CACNA2D3: variants seen among roughly 807,000 people sequenced by gnomAD.
The protein encoded by CACNA2D3 is calcium voltage-gated channel auxiliary subunit alpha2delta 3, also known as voltage-dependent calcium channel subunit alpha-2/delta-3.
CACNA2D3 carries 60 observed loss-of-function variants against 160.6 expected under a neutral mutation model. The observed-to-expected ratio is 0.37, with a 90% confidence interval of 0.30 to 0.46. The LOEUF (loss-of-function observed/expected upper bound fraction) is 0.46, where lower values mean the gene tolerates loss of function less well. Among genes scored for constraint, CACNA2D3 ranks in the 20% least tolerant of loss-of-function variants. CACNA2D3 has a pLI of 1.00. For missense variants in CACNA2D3, 1,205 were observed against 1,365.0 expected (o/e 0.88, Z 1.85); for synonymous variants, 558 against 492.9 (o/e 1.13, Z -1.75).
chr3:54,335,866 TG>T (rs144764053), intron 3 of CACNA2D3, among the ~76,000 whole-genome samples: 12,589 of 151,470 alleles, frequency 0.083, 743 homozygotes, highest in South Asian at 0.12. Context: ...TAACCAGCTG[TG>T]GTGGTGCATG....
intron 4 of CACNA2D3, among the ~76,000 whole-genome samples, chr3:54,478,460 GTC>G (rs1424545925): frequency 4.0e-5 from 6 of 151,370 alleles, no homozygotes; most frequent in Non-Finnish European, 7.4e-5. Flanking sequence ...GTGAAACCCT[GTC>G]TCTACTAAAA....
intron 11 of CACNA2D3, among the ~76,000 whole-genome samples, chr3:54,657,683 A>C (rs564456554): frequency 6.6e-6 from 1 of 152,136 alleles, no homozygotes; most frequent in Non-Finnish European, 1.5e-5. Flanking sequence ...AGGTCCATCC[A>C]TGTTGTAAAT....
Position 54,647,521 on chromosome 3 carries a change from G to A in CACNA2D3, c.1167+5280G>A, listed in dbSNP as rs143835751. 6.4e-4 allele frequency among the ~76,000 whole-genome samples: 97 copies of A among 152,296 alleles called. 1 individual carries two copies. Among genetic ancestry groups the A allele is most frequent in the Middle Eastern group, 3.4e-3 (1 of 294 alleles). On this transcript the variant is annotated intron_variant, in intron 11 of 37. Coordinates refer to ENST00000474759, the MANE Select transcript of CACNA2D3 (RefSeq NM_018398.3). ...TCCTCTCCATGGGCTTTCTCTCCACGTGGTGTCTCATCTTCCAAGGCAACC... is the reference window on the plus strand; with the variant it reads ...TCCTCTCCATGGGCTTTCTCTCCACATGGTGTCTCATCTTCCAAGGCAACC...
intron 27 of CACNA2D3, among the ~76,000 whole-genome samples, chr3:54,949,822 T>C (rs1402368851): frequency 6.6e-6 from 1 of 152,198 alleles, no homozygotes; most frequent in Non-Finnish European, 1.5e-5. Flanking sequence ...TGTGATTCTT[T>C]CTGAAAACTG....
At chr3:54,460,078 A>G (rs1209299083) in intron 4 of CACNA2D3, among the ~76,000 whole-genome samples, 11 of 151,864 alleles carry the variant, frequency 7.2e-5, no homozygotes, top group African/African-American at 1.4e-4. Context: ...AAGATCAGAT[A>G]GTTGTAGATA....
chr3:54,791,124 C>A (rs1702748202), intron 13 of CACNA2D3, among the ~76,000 whole-genome samples: 1 of 152,100 alleles, frequency 6.6e-6, no homozygotes, highest in African/African-American at 2.4e-5. Context: ...GCTCACTCAG[C>A]AGAATGCCTC....
chr3:54,751,338 C>T (rs917638858), intron 11 of CACNA2D3, among the ~76,000 whole-genome samples: 1 of 152,188 alleles, frequency 6.6e-6, no homozygotes, highest in African/African-American at 2.4e-5. Flanking sequence ...TTACATATCC[C>T]TTTAAATTAG....
chr3:54,740,821 G>A (rs1008786428), intron 11 of CACNA2D3, among the ~76,000 whole-genome samples: 13 of 152,198 alleles, frequency 8.5e-5, no homozygotes, highest in Admixed American at 7.9e-4. Flanking sequence ...TTGGGAAAAG[G>A]CAACTGTGCT....
At chr3:54,883,255 C>T (rs558498328) in intron 21 of CACNA2D3, among the ~76,000 whole-genome samples, 1 of 152,190 alleles carries the variant, frequency 6.6e-6, no homozygotes, top group East Asian at 1.9e-4. Context: ...AACTCCTGAC[C>T]TCGTTATCTG....
At chr3:54,802,355 A>T (rs576503815) in intron 13 of CACNA2D3, among the ~76,000 whole-genome samples, 69 of 152,282 alleles carry the variant, frequency 4.5e-4, no homozygotes, top group African/African-American at 1.6e-3. Context: ...TGTGTCCCTG[A>T]CCTATCCAAT....
At chr3:54,613,990 T>G (rs1421950859) in intron 9 of CACNA2D3, among the ~76,000 whole-genome samples, 1 of 152,198 alleles carries the variant, frequency 6.6e-6, no homozygotes, top group Non-Finnish European at 1.5e-5. Context: ...GCTGTGTGCT[T>G]ATTGATTGAG....
intron 2 of CACNA2D3, among the ~76,000 whole-genome samples, chr3:54,173,313 C>T (rs987388472): frequency 1.4e-4 from 22 of 152,136 alleles, no homozygotes; most frequent in Admixed American, 1.4e-3. Flanking sequence ...CATTCTCTAT[C>T]CTAAAGTGCA....
At chr3:54,665,534 C>A (rs1700048441) in intron 11 of CACNA2D3, among the ~76,000 whole-genome samples, 1 of 32,272 alleles carries the variant, frequency 3.1e-5, no homozygotes, top group Non-Finnish European at 7.1e-5. Flanking sequence ...ATCAGTTTTC[C>A]TCAGCTCCAT....
rs147796038 is a variant in CACNA2D3, at chr3:54,656,930, A to G, written c.1167+14689A>G. The stretch of plus-strand genomic sequence containing the variant: ...CGCGTCCGTGTGAAGAAACCACCAA[A>G]CAGGCTTTGTGTGAGCAACATGGCT... On this transcript the variant is annotated intron_variant, in intron 11 of 37. Transcript: ENST00000474759. Among the ~76,000 whole-genome samples the G allele has an allele frequency of 4.6e-3, 707 of 152,276 alleles. 7 individuals are homozygous for G. The highest frequency in any genetic ancestry group is 0.016 in the African/African-American group (679 of 41,564).
chr3:54,491,059 C>G (rs926581058), intron 4 of CACNA2D3, among the ~76,000 whole-genome samples: 1 of 152,216 alleles, frequency 6.6e-6, no homozygotes, highest in African/African-American at 2.4e-5. Flanking sequence ...TATATTCTCT[C>G]TCTCTCTCCT....
At chr3:54,187,403 T>C (rs560293108) in intron 2 of CACNA2D3, among the ~76,000 whole-genome samples, 1 of 152,318 alleles carries the variant, frequency 6.6e-6, no homozygotes, top group South Asian at 2.1e-4. Flanking sequence ...GCACTTGTGT[T>C]CTTAATTTTG....
At chr3:54,155,641 T>C (rs1160140314) in intron 2 of CACNA2D3, among the ~76,000 whole-genome samples, 1 of 152,210 alleles carries the variant, frequency 6.6e-6, no homozygotes, top group Non-Finnish European at 1.5e-5. Flanking sequence ...AGCAGAAACA[T>C]TGAAAACAAG....
chr3:55,043,595 T>C (rs1704008399), intron 35 of CACNA2D3, among the ~76,000 whole-genome samples: 1 of 152,160 alleles, frequency 6.6e-6, no homozygotes, highest in African/African-American at 2.4e-5. Flanking sequence ...CAGCTTGTCT[T>C]TTCATTGTCT....
intron 2 of CACNA2D3, among the ~76,000 whole-genome samples, chr3:54,160,314 C>T (rs867773160): frequency 2.6e-5 from 4 of 152,192 alleles, no homozygotes; most frequent in African/African-American, 9.7e-5. Context: ...GCCTGGCCAA[C>T]ATGGCAAAAC....
Sources: allele counts gnomAD v4.1 joint callset (sites outside exome capture counted in the v4.1 genomes callset), GRCh38; gene constraint gnomAD v4.1.1; transcripts MANE v1.5; gene names NCBI Gene and HGNC (gene_info 2026-07-23, HGNC 2026-07-21).